GAS6: variants seen among roughly 807,000 people sequenced by gnomAD.
GAS6 encodes growth arrest specific 6, also known as growth arrest-specific protein 6.
GAS6 carries 41 observed loss-of-function variants against 75.8 expected under a neutral mutation model. The ratio of observed to expected loss-of-function variants is 0.54; its 90% confidence interval spans 0.42 to 0.70. The LOEUF (loss-of-function observed/expected upper bound fraction) is 0.70, where lower values mean the gene tolerates loss of function less well. Ranked by LOEUF, GAS6 falls within the 30% of genes least tolerant of loss-of-function variation. The probability of loss-of-function intolerance (pLI) is 0.00; values close to 1 mark genes in which losing one functional copy is unlikely to be tolerated. For synonymous variants in GAS6, 432 were observed against 412.6 expected (o/e 1.05, Z -0.57); for missense variants, 854 against 940.2 (o/e 0.91, Z 1.20).
chr13:113,840,104 A>G (rs1343064125), intron 4 of GAS6: 4 of 496,856 alleles, frequency 8.1e-6, no homozygotes, highest in Admixed American at 3.9e-5. Flanking sequence ...GCCTGGACGC[A>G]AGGTGGGAAG....
At chr13:113,823,684 A>T in intron 12 of GAS6, 134 bp from the exon 13 acceptor site, 8 of 866,556 alleles carry the variant, frequency 9.2e-6, no homozygotes, top group Non-Finnish European at 1.4e-5. Flanking sequence ...CTGGGACGTG[A>T]TGGAAAACTC....
rs896964629 is a variant in GAS6, at chr13:113,845,681, A to G, written c.343+846T>C. The G allele has an allele frequency of 5.9e-5, 9 of 151,916 alleles. No individual in the cohort carries two copies. The highest frequency in any genetic ancestry group is 2.2e-4 in the African/African-American group (9 of 41,318). The allele number at this position is 151,916 out of a possible 1,614,324, so 9.4% of individuals were successfully genotyped here. On this transcript the variant is annotated intron_variant, in intron 4 of 14. Coordinates refer to ENST00000327773, the MANE Select transcript of GAS6 (RefSeq NM_000820.4). This position sits in a 1 kb window ranked among gnomAD's most constrained non-coding sequence, Gnocchi z 4.3. ...GAAAAACAGGCAAAAAATATAAACAACAGTTTATAGGAAAAGAAATACACA... is the reference window on the plus strand; with the variant it reads ...GAAAAACAGGCAAAAAATATAAACAGCAGTTTATAGGAAAAGAAATACACA...
intron 2 of GAS6, among the ~76,000 whole-genome samples, chr13:113,850,213 C>A (rs1325765812): frequency 2.0e-5 from 3 of 152,082 alleles, no homozygotes; most frequent in African/African-American, 4.8e-5. Context: ...CCCTCCCACC[C>A]CTGTCTGCAC....
chr13:113,838,252 G>A, intron 5 of GAS6, 61 bp from the exon 6 acceptor site: 1 of 1,600,020 alleles, frequency 6.2e-7, no homozygotes, highest in Admixed American at 1.7e-5. Context: ...GCTACGGTAG[G>A]AAGAGATCCC....
In GAS6 at chr13:113,820,867, G is replaced by A. The variant is rs1170926732; in HGVS notation, c.2034C>T (p.Ala678=). The stretch of plus-strand genomic sequence containing the variant: ...GCCTGCCGCGTCCCGTGGGGGCCTA[G>A]GCTGCGGCGGGCTCCACGGGGGGGC... The part of the protein sequence containing the change: ...HSCPPVEPAA[A] Residue 678 remains alanine (A), a synonymous_variant, in exon 15 of 15, where the codon GCC becomes GCT. Transcript: ENST00000327773. 1.2e-6 allele frequency: 2 copies of A among 1,609,806 alleles called. No individual in the cohort carries two copies. The highest frequency in any genetic ancestry group is 1.7e-6 in the Non-Finnish European group (2 of 1,179,508).
chr13:113,823,646 G>C, intron 12 of GAS6, 96 bp from the exon 13 acceptor site: 1 of 1,213,716 alleles, frequency 8.2e-7, no homozygotes, highest in Admixed American at 2.3e-5. Flanking sequence ...CCCAGCCGGG[G>C]TGGGAAGCTG....
intron 8 of GAS6, among the ~76,000 whole-genome samples, chr13:113,833,914 C>A (rs969192581): frequency 2.1e-5 from 3 of 146,008 alleles, no homozygotes; most frequent in Admixed American, 6.9e-5. Context: ...TGTGACAGGT[C>A]GGTGTGACAG....
At chr13:113,859,845 C>CTGGGAGGGGTGCTGGGCTTAGTAT (rs2051956906) in intron 2 of GAS6, among the ~76,000 whole-genome samples, 1 of 152,106 alleles carries the variant, frequency 6.6e-6, no homozygotes, top group Non-Finnish European at 1.5e-5. Context: ...CACCAGGCGC[C>CTGGGAGGGGTGCTGGGCTTAGTAT]CCCACATTGT....
At chr13:113,858,875 GAC>G (rs1183615372) in intron 2 of GAS6, among the ~76,000 whole-genome samples, 8 of 146,684 alleles carry the variant, frequency 5.5e-5, no homozygotes, top group Admixed American at 1.4e-4. Context: ...GTGTGTACAT[GAC>G]TATGTAAGTC....
chr13:113,833,009 T>C (rs2051649760), intron 8 of GAS6: 3 of 1,394,520 alleles, frequency 2.2e-6, no homozygotes, highest in African/African-American at 1.5e-5. Context: ...CTCATTTCCC[T>C]TGACCCTTTA....
At chr13:113,841,965 ACGCCTCAATTTTCTCTG>A (rs2051786935) in intron 4 of GAS6, 1 of 117,212 alleles carries the variant, frequency 8.5e-6, no homozygotes, top group Non-Finnish European at 1.8e-5. Context: ...TTTCCTCCAT[ACGCCTCAATTTTCTCTG>A]TACGCCCCAC....
Position 113,838,196 on chromosome 13 carries a change from G to T in GAS6, c.467-5C>A. Reference sequence around the variant, plus strand: ...CCTGGCTGCATTCGTTGACATCTGGGAACAAGCACAGGCCTGAAGGGGAGC... The same window carrying T: ...CCTGGCTGCATTCGTTGACATCTGGTAACAAGCACAGGCCTGAAGGGGAGC... On this transcript the variant is annotated splice_polypyrimidine_tract_variant and splice_region_variant and intron_variant, in intron 5 of 14. Transcript: ENST00000327773. The T allele has an allele frequency of 6.2e-7, 1 of 1,612,288 alleles. No individual in the cohort carries two copies. The highest frequency in any genetic ancestry group is 1.1e-5 in the South Asian group (1 of 91,068).
chr13:113,862,474 A>C (rs1211398459), intron 2 of GAS6, among the ~76,000 whole-genome samples: 3 of 152,194 alleles, frequency 2.0e-5, no homozygotes, highest in Non-Finnish European at 4.4e-5. Context: ...TTCATCATTA[A>C]AGAAACAGGA....
intron 6 of GAS6, among the ~76,000 whole-genome samples, chr13:113,836,874 AGAG>A (rs1476483439): frequency 1.5e-4 from 1 of 6,694 alleles, no homozygotes; most frequent in Non-Finnish European, 2.6e-4. Context: ...GGGAGTGGGG[AGAG>A]GAGGAGGGGG....
chr13:113,852,411 G>C (rs963713743), intron 2 of GAS6, among the ~76,000 whole-genome samples: 1 of 152,188 alleles, frequency 6.6e-6, no homozygotes, highest in Non-Finnish European at 1.5e-5. Flanking sequence ...GTTGCCCTTC[G>C]GTTTCGTAAG....
rs2051641155 is a variant in GAS6, at chr13:113,832,485, C to T, written c.957G>A (p.Leu319=). 1.3e-6 allele frequency: 2 copies of T among 1,597,230 alleles called. No individual in the cohort carries two copies. The highest frequency in any genetic ancestry group is 1.7e-6 in the Non-Finnish European group (2 of 1,169,804). The part of the protein sequence containing the change: ...LRFKRLQPTR[L]VAEFDFRTFD... The stretch of plus-strand genomic sequence containing the variant: ...AGGTCCGGAAGTCAAACTCAGCTAC[C>T]AGCCTGGGCACCCACAGGAGAAATG... The change falls in exon 10 of 15, where the codon CTG becomes CTA. Residue 319 remains leucine (L), a synonymous_variant. Transcript: ENST00000327773.
intron 10 of GAS6, 41 bp from the exon 11 acceptor site, chr13:113,828,752 G>C (rs777240223): frequency 1.9e-6 from 3 of 1,592,236 alleles, no homozygotes; most frequent in Non-Finnish European, 2.6e-6. Flanking sequence ...GGGAGTGCAC[G>C]TTCTGAAGGG....
chr13:113,838,910 G>C (rs2051747066), intron 5 of GAS6, among the ~76,000 whole-genome samples: 1 of 152,130 alleles, frequency 6.6e-6, no homozygotes, highest in South Asian at 2.1e-4. Context: ...CCAGGGCTTG[G>C]ACCTCACACC....
rs1250112267 is a variant in GAS6, at chr13:113,848,067, A to G, written c.256-17T>C. 1.2e-6 allele frequency: 2 copies of G among 1,612,650 alleles called. No individual in the cohort carries two copies. Among genetic ancestry groups the G allele is most frequent in the East Asian group, 4.5e-5 (2 of 44,858 alleles). On this transcript the variant is annotated splice_polypyrimidine_tract_variant and intron_variant, in intron 2 of 14. Transcript: ENST00000327773. The surrounding 1 kb of genome is among the most constrained non-coding windows in gnomAD (Gnocchi z 4.8). ...AAAATAATCCTGTGGAAAAAGAAAA[A>G]GAAAAGGCAAGCATTGACCGGCACA...
Sources: gnomAD v4.1 joint callset for allele counts (sites outside exome capture counted in the v4.1 genomes callset) on GRCh38, gnomAD v4.1.1 for gene constraint, Gnocchi (gnomAD v3.1) non-coding constraint, MANE v1.5 for transcripts, NCBI Gene and HGNC (gene_info 2026-07-23, HGNC 2026-07-21) for gene names.